DLC1: variants seen among roughly 807,000 people sequenced by gnomAD.
The protein encoded by DLC1 is rho GTPase-activating protein 7.
A neutral mutation model predicts 140.3 loss-of-function variants in DLC1; 54 were observed. The observed-to-expected ratio is 0.38, with a 90% CI of 0.31 to 0.48. The LOEUF (loss-of-function observed/expected upper bound fraction) is 0.48. Among genes scored for constraint, DLC1 ranks in the 20% least tolerant of loss-of-function variants. The pLI, the probability that DLC1 is intolerant of heterozygous loss-of-function variation, is 0.96. For missense variants in DLC1, 2,536 were observed against 1,907.0 expected, an observed-to-expected ratio of 1.33 and a Z score of -6.14; for synonymous variants, 986 against 728.1, an observed-to-expected ratio of 1.35 and a Z score of -5.70.
intron 5 of DLC1, among the ~76,000 whole-genome samples, chr8:13,275,188 T>G (rs17128174): frequency 0.012 from 1,886 of 152,320 alleles, 49 homozygotes; most frequent in African/African-American, 0.042. Flanking sequence ...CAGAACAAAT[T>G]AGAGTTTATG....
chr8:13,331,667 A>C (rs185423612), intron 4 of DLC1, among the ~76,000 whole-genome samples: 87 of 152,088 alleles, frequency 5.7e-4, no homozygotes, highest in African/African-American at 1.9e-3. Context: ...ACTAACCCAA[A>C]ACCAAAAAAT....
chr8:13,428,371 A>T (rs2117380180), intron 2 of DLC1, among the ~76,000 whole-genome samples: 1 of 152,314 alleles, frequency 6.6e-6, no homozygotes, highest in Non-Finnish European at 1.5e-5. Context: ...CTTGAGAGGA[A>T]TGTTTGAATA....
At chr8:13,569,853 C>G (rs1298081421) in intron 1 of DLC1, among the ~76,000 whole-genome samples, 1 of 152,226 alleles carries the variant, frequency 6.6e-6, no homozygotes, top group Admixed American at 6.5e-5. Context: ...TCCCCAGCAG[C>G]TGGGACTACA....
At chr8:13,090,564 T>C (rs949651970) in intron 14 of DLC1, 94 bp from the exon 15 acceptor site, 3 of 1,448,508 alleles carry the variant, frequency 2.1e-6, no homozygotes, top group Non-Finnish European at 2.8e-6. Flanking sequence ...AACAATGGCC[T>C]GGTCCTTAAA....
chr8:13,454,636 A>C (rs963220577), intron 2 of DLC1, among the ~76,000 whole-genome samples: 1 of 152,142 alleles, frequency 6.6e-6, no homozygotes, highest in Non-Finnish European at 1.5e-5. Flanking sequence ...GCTTACTGCA[A>C]CGTCGACCTC....
chr8:13,558,693 T>G (rs1020601718), intron 1 of DLC1: 17 of 152,098 alleles, frequency 1.1e-4, no homozygotes, highest in African/African-American at 4.1e-4. Flanking sequence ...AACAAATGGG[T>G]CACATTGAAT....
At chr8:13,109,613 G>A (rs1265689370) in intron 7 of DLC1, among the ~76,000 whole-genome samples, 2 of 151,400 alleles carry the variant, frequency 1.3e-5, no homozygotes, top group African/African-American at 2.4e-5. Flanking sequence ...GGCTGGGTGC[G>A]GTGGCTCACG....
chr8:13,275,633 C>A (rs1257885303), intron 5 of DLC1, among the ~76,000 whole-genome samples: 1 of 152,196 alleles, frequency 6.6e-6, no homozygotes, highest in Non-Finnish European at 1.5e-5. Context: ...CACAGTCTAC[C>A]ATTTGGTGGC....
intron 3 of DLC1, among the ~76,000 whole-genome samples, chr8:13,394,006 G>T (rs923742667): frequency 2.1e-5 from 3 of 142,862 alleles, no homozygotes; most frequent in African/African-American, 4.9e-5. Flanking sequence ...GAAGGCAGAA[G>T]CCCACAGCCA....
chr8:13,434,867 A>G lies in DLC1; in HGVS notation c.1024-33248T>C, dbSNP rs556571878. 7.0e-4 allele frequency among the ~76,000 whole-genome samples: 106 copies of G among 152,102 alleles called. 1 individual carries two copies. In the South Asian group the frequency reaches 0.021, roughly 31 times the overall value. On this transcript the variant is annotated intron_variant, in intron 2 of 17. Coordinates refer to ENST00000276297, the MANE Select transcript of DLC1 (RefSeq NM_182643.3). Reference sequence around the variant, plus strand: ...GCGAATTTTTGTATTTTCTGTAGAGATGGTGTTTCGTCGTGTTGCTTAGGT... The same window carrying G: ...GCGAATTTTTGTATTTTCTGTAGAGGTGGTGTTTCGTCGTGTTGCTTAGGT...
intron 1 of DLC1, among the ~76,000 whole-genome samples, chr8:13,529,511 T>C (rs1443354582): frequency 6.6e-6 from 1 of 152,190 alleles, no homozygotes; most frequent in Non-Finnish European, 1.5e-5. Flanking sequence ...TTGTATATCC[T>C]CTTAACACTT....
At chr8:13,567,505 C>G in intron 1 of DLC1, 6 of 1,552,054 alleles carry the variant, frequency 3.9e-6, no homozygotes, top group Non-Finnish European at 5.2e-6. Flanking sequence ...ACCCGATGAA[C>G]TTTTGAACAG....
At position 13,535,977 on chromosome 8, in the gene DLC1, G is replaced by T. The variant is rs1179596059; in HGVS notation, c.-125-35781C>A. 4 of 152,140 alleles carry T rather than the reference G, an allele frequency of 2.6e-5. No homozygotes were observed. In the East Asian group the frequency reaches 5.8e-4, roughly 22 times the overall value. 9.4% of individuals were successfully genotyped at this position (152,140 alleles called of 1,614,324 possible). On this transcript the variant is annotated intron_variant, in intron 1 of 1. Coordinates refer to the DLC1 transcript ENST00000631382. ...TTAACACATTCAGGATGCTATGTCT[G>T]TATTGGATGTTGTACAGAGGTTCAT... is the stretch of plus-strand genomic sequence containing the variant.
At chr8:13,508,624 T>C (rs1437471954) in intron 1 of DLC1, among the ~76,000 whole-genome samples, 2 of 152,052 alleles carry the variant, frequency 1.3e-5, no homozygotes, top group East Asian at 3.9e-4. Context: ...TTCACTGTGT[T>C]AGCCAGGATG....
At chr8:13,341,097 A>T (rs1391854745) in intron 4 of DLC1, 1 of 152,216 alleles carries the variant, frequency 6.6e-6, no homozygotes, top group Non-Finnish European at 1.5e-5. Context: ...TGTGCTGAGG[A>T]TCAGTTTTCA....
intron 4 of DLC1, among the ~76,000 whole-genome samples, chr8:13,336,305 A>C (rs2116963822): frequency 6.6e-6 from 1 of 152,298 alleles, no homozygotes; most frequent in East Asian, 1.9e-4. Context: ...GATTATTGAA[A>C]TCAAAGGTAG....
chr8:13,572,256 AT>A (rs763055502), intron 1 of DLC1, among the ~76,000 whole-genome samples: 1 of 151,610 alleles, frequency 6.6e-6, no homozygotes, highest in Non-Finnish European at 1.5e-5. Context: ...CGCCCAGCTA[AT>A]TTTTTGTATT....
chr8:13,147,792 A>G (rs1007499699), intron 5 of DLC1, among the ~76,000 whole-genome samples: 14 of 152,176 alleles, frequency 9.2e-5, no homozygotes, highest in South Asian at 2.1e-4. Flanking sequence ...GATTGAGACC[A>G]TCCTGGCCAA....
intron 2 of DLC1, among the ~76,000 whole-genome samples, chr8:13,415,024 G>C (rs1236285562): frequency 6.6e-6 from 1 of 152,094 alleles, no homozygotes. Context: ...ATGTTGGTCA[G>C]GCTGGTCTCG....
Sources: gnomAD v4.1 joint callset for allele counts (sites outside exome capture counted in the v4.1 genomes callset) on GRCh38, gnomAD v4.1.1 for gene constraint, MANE v1.5 for transcripts, NCBI Gene and HGNC (gene_info 2026-07-23, HGNC 2026-07-21) for gene names.